PROKR2: variants seen among roughly 807,000 people sequenced by gnomAD.
The protein encoded by PROKR2 is G protein-coupled receptor 73-like 1.
A neutral mutation model predicts 23.4 loss-of-function variants in PROKR2; 26 were observed. The ratio of observed to expected loss-of-function variants is 1.11; its 90% CI spans 0.81 to 1.54. The LOEUF is 1.54. Among genes scored for constraint, PROKR2 ranks in the 40% most tolerant of loss-of-function variants. PROKR2 has a pLI of 0.00. For missense variants in PROKR2, 453 were observed against 511.5 expected (o/e 0.89, Z 1.10); for synonymous variants, 212 against 201.2 (o/e 1.05, Z -0.45).
At chr20:5,313,246 C>A (rs1328216879) in intron 2 of PROKR2, among the ~76,000 whole-genome samples, 1 of 152,184 alleles carries the variant, frequency 6.6e-6, no homozygotes, top group Non-Finnish European at 1.5e-5. Flanking sequence ...ATATCTCATG[C>A]AAATGTATGC....
At chr20:5,315,704 C>T (rs948102258) in intron 1 of PROKR2, 8 of 367,982 alleles carry the variant, frequency 2.2e-5, no homozygotes, top group Non-Finnish European at 4.4e-5. Context: ...AGCTGCTTTC[C>T]CAAGGTGAAA....
rs1172893710 is a variant in PROKR2 at position 5,302,524 on chromosome 20, A to G, written c.671T>C (p.Phe224Ser). Residue 224 changes from phenylalanine (F) to serine (S), a missense_variant, in exon 3 of 3, where the codon TTC becomes TCC. Transcript: ENST00000678254. The part of the protein sequence containing the change: ...VDQQLYYKSY[F>S]LFIFGVEFVG... ...GAACTCGACACCAAAGATGAAGAGGAAGTAGGACTTGTAGTAGAGCTGCTG... is the reference window on the plus strand; with the variant it reads ...GAACTCGACACCAAAGATGAAGAGGGAGTAGGACTTGTAGTAGAGCTGCTG... 1 of 1,614,222 alleles carries G rather than the reference A, an allele frequency of 6.2e-7. No homozygotes were observed. Among genetic ancestry groups the G allele is most frequent in the Admixed American group, 1.7e-5 (1 of 60,032 alleles).
chr20:5,303,549 G>A (rs959369753), intron 2 of PROKR2, among the ~76,000 whole-genome samples: 2 of 152,140 alleles, frequency 1.3e-5, no homozygotes, highest in African/African-American at 4.8e-5. Flanking sequence ...TTTCCAATGA[G>A]CCACACTGTC....
chr20:5,315,943 C>G, intron 1 of PROKR2: 1 of 456,402 alleles, frequency 2.2e-6, no homozygotes, highest in Non-Finnish European at 4.4e-6. Flanking sequence ...GTAGATTGCA[C>G]TCCCCGCCCG....
chr20:5,308,233 C>A (rs1279588674), intron 2 of PROKR2, among the ~76,000 whole-genome samples: 3 of 148,788 alleles, frequency 2.0e-5, no homozygotes, highest in African/African-American at 7.3e-5. Flanking sequence ...GGCCCCCAAA[C>A]TGGCCATAAA....
At chr20:5,303,533 T>C (rs1568569803) in intron 2 of PROKR2, among the ~76,000 whole-genome samples, 1 of 152,206 alleles carries the variant, frequency 6.6e-6, no homozygotes, top group Non-Finnish European at 1.5e-5. Flanking sequence ...GTCTTTATCC[T>C]TGCCCTTTCC....
At position 5,299,326 on chromosome 20, in the gene PROKR2, A is replaced by G. The variant is rs906441596; in HGVS notation, c.*2714T>C. The stretch of plus-strand genomic sequence containing the variant: ...CAAAAGTTTTTTCAGTTAAATTTCA[A>G]TGAAAGGAAGTTGGTATATTCTAGG... On this transcript the variant is annotated 3_prime_UTR_variant, in exon 3 of 3. Transcript: ENST00000678254. Among the ~76,000 whole-genome samples the G allele has an allele frequency of 2.6e-5, 4 of 152,156 alleles. No homozygotes were observed. Among genetic ancestry groups the G allele is most frequent in the Non-Finnish European group, 4.4e-5 (3 of 68,030 alleles).
At chr20:5,307,585 T>A (rs923232635) in intron 2 of PROKR2, among the ~76,000 whole-genome samples, 1 of 152,254 alleles carries the variant, frequency 6.6e-6, no homozygotes, top group Non-Finnish European at 1.5e-5. Context: ...ACGAATCCTA[T>A]GGAATCATTA....
At chr20:5,307,452 C>T (rs1374407064) in intron 2 of PROKR2, among the ~76,000 whole-genome samples, 2 of 152,180 alleles carry the variant, frequency 1.3e-5, no homozygotes, top group African/African-American at 4.8e-5. Context: ...AATAAATCTG[C>T]TCCTATAATT....
At position 5,313,894 on chromosome 20, in the gene PROKR2, C is replaced by A. The variant is rs774378546; in HGVS notation, c.458+18G>T. 6.2e-7 allele frequency: 1 copy of A among 1,609,012 alleles called. No individual in the cohort carries two copies. Among genetic ancestry groups the A allele is most frequent in the African/African-American group, 1.3e-5 (1 of 74,948 alleles). On this transcript the variant is annotated intron_variant, in intron 2 of 2. Transcript: ENST00000678254. ...AGCCTGGCCCAGCCCCACCACTCAC[C>A]CCACCCACCATCCTCACCTGTCAAT...
intron 2 of PROKR2, among the ~76,000 whole-genome samples, chr20:5,310,393 G>A (rs947900986): frequency 1.2e-4 from 18 of 152,226 alleles, no homozygotes; most frequent in African/African-American, 4.3e-4. Flanking sequence ...AGGACAGGGA[G>A]GACTGTGCTT....
intron 2 of PROKR2, among the ~76,000 whole-genome samples, chr20:5,310,890 T>C (rs944594392): frequency 2.6e-5 from 4 of 152,256 alleles, no homozygotes; most frequent in South Asian, 2.1e-4. Context: ...AACATCGTTA[T>C]TGTGCTTAAA....
intron 2 of PROKR2, among the ~76,000 whole-genome samples, chr20:5,307,429 C>A (rs1979260044): frequency 6.6e-6 from 1 of 152,194 alleles, no homozygotes; most frequent in Non-Finnish European, 1.5e-5. Context: ...TTTCTGATCT[C>A]AGTATTTACC....
Position 5,300,324 on chromosome 20 carries a change from G to A in PROKR2, c.*1716C>T, listed in dbSNP as rs1978938928. On this transcript the variant is annotated 3_prime_UTR_variant, in exon 3 of 3. Transcript: ENST00000678254. ...GTCTTGGGGTCACTGAGAATCTGAG[G>A]TTAAATTTCCCAGATTATAACCAAG... Among the ~76,000 whole-genome samples, 1 of 152,206 alleles carries A rather than the reference G, an allele frequency of 6.6e-6. No individual in the cohort carries two copies. Among genetic ancestry groups the A allele is most frequent in the South Asian group, 2.1e-4 (1 of 4,836 alleles).
chr20:5,308,567 T>A (rs945024416), intron 2 of PROKR2, among the ~76,000 whole-genome samples: 1 of 152,242 alleles, frequency 6.6e-6, no homozygotes, highest in Non-Finnish European at 1.5e-5. Context: ...AATAAATACA[T>A]GGGTAAATCT....
chr20:5,314,016 C>A lies in PROKR2; in HGVS notation c.354G>T (p.Gln118His). The change falls in exon 2 of 3, where the codon CAG (glutamine) becomes CAT (histidine). Residue 118 changes from glutamine (Q) to histidine (H), a missense_variant. Gln to His is a conservative substitution (Grantham distance 24). Coordinates refer to ENST00000678254, the MANE Select transcript of PROKR2 (RefSeq NM_144773.4). ...GCACGTGGCCATGCTCCCAGGAGAGCTGCCGTACCACGTAGTAGTCCATCT... is the reference window on the plus strand; with the variant it reads ...GCACGTGGCCATGCTCCCAGGAGAGATGCCGTACCACGTAGTAGTCCATCT... ...PFEMDYYVVRQLSWEHGHVLC... is the reference protein window; with the variant it reads ...PFEMDYYVVRHLSWEHGHVLC... 1 of 1,614,204 alleles carries A rather than the reference C, an allele frequency of 6.2e-7. No individual in the cohort carries two copies.
Position 5,309,333 on chromosome 20 carries a change from C to A in PROKR2, c.458+4579G>T, listed in dbSNP as rs575027958. ...GACATGGTTTTCACTGTGCTAAAAT[C>A]AAGATGTTGGCAAGGCAGCATTTCT... On this transcript the variant is annotated intron_variant, in intron 2 of 2. Transcript: ENST00000678254. Among the ~76,000 whole-genome samples, 42 of 152,286 alleles carry A rather than the reference C, an allele frequency of 2.8e-4. No homozygotes were observed. In the South Asian group the frequency reaches 5.2e-3, roughly 19 times the overall value.
chr20:5,304,154 C>T (rs183837591), intron 2 of PROKR2, among the ~76,000 whole-genome samples: 5 of 152,186 alleles, frequency 3.3e-5, no homozygotes, highest in African/African-American at 9.6e-5. Flanking sequence ...AGTGACTATT[C>T]GAGCAGCACT....
Position 5,299,491 on chromosome 20 carries a change from A to G in PROKR2, c.*2549T>C, listed in dbSNP as rs1978913333. ...AATTATTATATTTATAGAAATGTAC[A>G]TAACCTAAAATTGTTACTTGCTTGG... On this transcript the variant is annotated 3_prime_UTR_variant, in exon 3 of 3. Coordinates refer to ENST00000678254, the MANE Select transcript of PROKR2 (RefSeq NM_144773.4). Among the ~76,000 whole-genome samples the G allele has an allele frequency of 6.6e-6, 1 of 151,576 alleles. No homozygotes were observed.
Sources: gnomAD v4.1 joint callset for allele counts (sites outside exome capture counted in the v4.1 genomes callset) on GRCh38, gnomAD v4.1.1 for gene constraint, MANE v1.5 for transcripts, NCBI Gene and HGNC (gene_info 2026-07-23, HGNC 2026-07-21) for gene names.